DCBLD1: variants seen among roughly 807,000 people sequenced by gnomAD.
DCBLD1 encodes discoidin, CUB and LCCL domain containing 1.
DCBLD1 carries 57 observed loss-of-function variants against 71.5 expected under a neutral mutation model. That is an observed-to-expected ratio of 0.80 (90% CI 0.64 to 0.99). The LOEUF is 0.99. DCBLD1 is among the 50% of genes least tolerant of loss of function. DCBLD1 has a pLI of 0.00. For missense variants in DCBLD1, 891 were observed against 923.5 expected, an observed-to-expected ratio of 0.96 and a Z score of 0.46; for synonymous variants, 380 against 363.8, an observed-to-expected ratio of 1.04 and a Z score of -0.51.
At chr6:117,505,619 C>T (rs981544090) in intron 2 of DCBLD1, among the ~76,000 whole-genome samples, 1 of 152,166 alleles carries the variant, frequency 6.6e-6, no homozygotes. Flanking sequence ...ATGTGGCTTT[C>T]CCACACCAGG....
intron 7 of DCBLD1, among the ~76,000 whole-genome samples, chr6:117,537,662 C>CTTTTTTTTTT (rs68032011): frequency 6.4e-5 from 3 of 46,876 alleles, no homozygotes; most frequent in African/African-American, 2.9e-4. Context: ...TACATAGCAC[C>CTTTTTTTTTT]TTTTTTTTTT....
intron 14 of DCBLD1, among the ~76,000 whole-genome samples, chr6:117,555,149 A>C (rs771578646): frequency 1.4e-4 from 22 of 152,192 alleles, no homozygotes; most frequent in Non-Finnish European, 3.2e-4. Flanking sequence ...TTTAGATTTT[A>C]AAACTTCCTT....
intron 1 of DCBLD1, among the ~76,000 whole-genome samples, chr6:117,493,556 A>AC (rs1777368476): frequency 1.3e-5 from 2 of 152,240 alleles, no homozygotes; most frequent in Admixed American, 1.3e-4. Flanking sequence ...GTTAATTTTG[A>AC]GACAAAAAGA....
intron 1 of DCBLD1, among the ~76,000 whole-genome samples, chr6:117,488,104 G>A (rs1204830527): frequency 6.6e-6 from 1 of 152,128 alleles, no homozygotes; most frequent in East Asian, 1.9e-4. Flanking sequence ...TGTGGGGTAA[G>A]CATTGGAGGA....
At chr6:117,530,176 C>T (rs1283720862) in intron 5 of DCBLD1, among the ~76,000 whole-genome samples, 4 of 152,180 alleles carry the variant, frequency 2.6e-5, no homozygotes, top group East Asian at 1.9e-4. Flanking sequence ...ATAATATAAA[C>T]GGTGTACTGG....
intron 5 of DCBLD1, among the ~76,000 whole-genome samples, chr6:117,530,696 T>C (rs972137040): frequency 6.6e-6 from 1 of 152,194 alleles, no homozygotes; most frequent in Non-Finnish European, 1.5e-5. Flanking sequence ...CAAGATAAAT[T>C]GCTAAATTTA....
chr6:117,563,065 ATTATGGTCT>A (rs1779618291), intron 14 of DCBLD1: 6 of 557,206 alleles, frequency 1.1e-5, no homozygotes, highest in Non-Finnish European at 1.9e-5. Context: ...GCAATAGCTA[ATTATGGTCT>A]ACCACAGAAA....
chr6:117,541,947 C>T (rs1261067877), intron 11 of DCBLD1, among the ~76,000 whole-genome samples: 1 of 152,122 alleles, frequency 6.6e-6, no homozygotes. Flanking sequence ...GACCATTCCC[C>T]TGCTGTTGGA....
At chr6:117,559,907 G>C (rs191919159) in intron 14 of DCBLD1, among the ~76,000 whole-genome samples, 59 of 152,258 alleles carry the variant, frequency 3.9e-4, no homozygotes, top group African/African-American at 1.3e-3. Context: ...CACACGGAAA[G>C]CATATATGTA....
At chr6:117,507,546 AT>A (rs1243380659) in intron 2 of DCBLD1, among the ~76,000 whole-genome samples, 2 of 152,238 alleles carry the variant, frequency 1.3e-5, no homozygotes, top group African/African-American at 2.4e-5. Flanking sequence ...TTTAAGAAGT[AT>A]CATACTTTTC....
chr6:117,563,110 T>G lies in DCBLD1; in HGVS notation c.1616-6510T>G, dbSNP rs544882298. The G allele has an allele frequency of 1.6e-5, 11 of 682,560 alleles. No individual in the cohort carries two copies. The African/African-American group carries it at 1.6e-4, about 10-fold the overall frequency. The allele number at this position is 682,560 out of a possible 1,614,324, so 42.3% of individuals were successfully genotyped here. On this transcript the variant is annotated intron_variant, in intron 14 of 14. Coordinates refer to the DCBLD1 transcript ENST00000296955. ...ACAGGGTGTTTTATGCATTGAGAAT[T>G]GTTCACATGAAGCCCTGAGGTACCC...
chr6:117,532,129 G>A, intron 5 of DCBLD1, 131 bp from the exon 6 acceptor site: 2 of 1,319,794 alleles, frequency 1.5e-6, no homozygotes, highest in Non-Finnish European at 2.0e-6. Flanking sequence ...ACAACTCCAG[G>A]GCATGGCCAT....
chr6:117,559,896 A>G (rs1256124671), intron 14 of DCBLD1, among the ~76,000 whole-genome samples: 1 of 152,238 alleles, frequency 6.6e-6, no homozygotes, highest in Non-Finnish European at 1.5e-5. Flanking sequence ...GCTTAAATCA[A>G]CACACGGAAA....
intron 1 of DCBLD1, among the ~76,000 whole-genome samples, chr6:117,497,027 A>G (rs1562431571): frequency 2.0e-5 from 3 of 152,138 alleles, no homozygotes; most frequent in Non-Finnish European, 4.4e-5. Flanking sequence ...TTAATAATCA[A>G]TCTAAAAAGT....
intron 1 of DCBLD1, among the ~76,000 whole-genome samples, chr6:117,485,967 T>C (rs968512119): frequency 2.0e-5 from 3 of 152,234 alleles, no homozygotes; most frequent in Non-Finnish European, 4.4e-5. Context: ...CAGTGAGTTA[T>C]ATATTAATAT....
chr6:117,539,025 G>A lies in DCBLD1; in HGVS notation c.976+190G>A. ...AATCTGTATGCAAGTTGTAAATATG[G>A]ATATATGGATTAGAGAGATAATTCT... On this transcript the variant is annotated intron_variant, in intron 8 of 14. Transcript: ENST00000338728. The A allele has an allele frequency of 2.8e-6, 2 of 713,414 alleles. 1 individual carries two copies. 44.2% of individuals were successfully genotyped at this position (713,414 alleles called of 1,614,324 possible).
chr6:117,548,121 G>C lies in DCBLD1; in HGVS notation c.1830G>C (p.Leu610=). 1 of 1,549,800 alleles carries C rather than the reference G, an allele frequency of 6.5e-7. No individual in the cohort carries two copies. Among genetic ancestry groups the C allele is most frequent in the Non-Finnish European group, 8.7e-7 (1 of 1,146,596 alleles). Residue 610 remains leucine, a synonymous_variant, in exon 15 of 15, where the codon CTG becomes CTC. Coordinates refer to ENST00000338728, the MANE Select transcript of DCBLD1 (RefSeq NM_001366458.2). ...CGCCCATCGTGGAGCGGCACGTGCTGCGCGCCCACACGTTCTCTGCGCAGA... is the reference window on the plus strand; with the variant it reads ...CGCCCATCGTGGAGCGGCACGTGCTCCGCGCCCACACGTTCTCTGCGCAGA... ...YATPIVERHV[L]RAHTFSAQSG... is the part of the protein sequence containing the mutation.
intron 1 of DCBLD1, among the ~76,000 whole-genome samples, chr6:117,488,095 G>T (rs991984523): frequency 2.6e-5 from 4 of 152,126 alleles, no homozygotes; most frequent in Non-Finnish European, 5.9e-5. Context: ...TTGTGGGATT[G>T]TGGGGTAAGC....
chr6:117,524,363 G>C (rs1231059212), intron 4 of DCBLD1, among the ~76,000 whole-genome samples: 4 of 151,742 alleles, frequency 2.6e-5, no homozygotes, highest in African/African-American at 9.7e-5. Flanking sequence ...CACCACACCG[G>C]GCTAATTTTT....
Sources: allele counts gnomAD v4.1 joint callset (sites outside exome capture counted in the v4.1 genomes callset), GRCh38; gene constraint gnomAD v4.1.1; transcripts MANE v1.5; gene names NCBI Gene and HGNC (gene_info 2026-07-23, HGNC 2026-07-21).